The following DNAAF6 variants were observed in gnomAD, a reference collection of about 807,000 sequenced individuals.
DNAAF6 encodes PIH1 domain containing 3.
A neutral mutation model predicts 13.7 loss-of-function variants in DNAAF6; 3 were observed. The observed-to-expected ratio is 0.22, with a 90% confidence interval of 0.10 to 0.56. The LOEUF (loss-of-function observed/expected upper bound fraction) is 0.56. Ranked by LOEUF, DNAAF6 falls within the 20% of genes least tolerant of loss-of-function variation. The probability of loss-of-function intolerance (pLI) is 0.92; values close to 1 mark genes in which losing one functional copy is unlikely to be tolerated. For synonymous variants in DNAAF6, 54 were observed against 49.2 expected (o/e 1.10, Z -0.41); for missense variants, 130 against 151.0 (o/e 0.86, Z 0.73).
chrX:107,220,189 GCAGA>G (rs1239415898), intron 4 of DNAAF6, among the ~76,000 whole-genome samples: 1 of 112,199 alleles, frequency 8.9e-6, no homozygotes, highest in Non-Finnish European at 1.9e-5. Context: ...GTGGGAGACT[GCAGA>G]CAATTAACTA....
At chrX:107,228,182 G>A (rs1371200733) in intron 5 of DNAAF6, among the ~76,000 whole-genome samples, 4 of 111,688 alleles carry the variant, frequency 3.6e-5, no homozygotes, top group Non-Finnish European at 5.6e-5. Flanking sequence ...AGTAGTATCC[G>A]CTGCTGTCAA....
chrX:107,225,147 A>G (rs1928227166), intron 5 of DNAAF6, among the ~76,000 whole-genome samples: 1 of 109,333 alleles, frequency 9.1e-6, no homozygotes, highest in East Asian at 2.9e-4. Flanking sequence ...GTAATAATGG[A>G]CTAGTAAGCT....
chrX:107,237,993 A>C (rs977529109), intron 5 of DNAAF6, among the ~76,000 whole-genome samples: 9 of 112,042 alleles, frequency 8.0e-5, no homozygotes, highest in African/African-American at 2.6e-4. Flanking sequence ...ACAAAAAAAC[A>C]AAACAAAAAC....
intron 4 of DNAAF6, among the ~76,000 whole-genome samples, chrX:107,219,381 G>A (rs1440606476): frequency 9.0e-6 from 1 of 111,193 alleles, no homozygotes; most frequent in Non-Finnish European, 1.9e-5. Context: ...AAAAGGCTAT[G>A]TTCTCTCTCC....
Position 107,218,860 on chromosome X carries a change from A to G in DNAAF6, c.227-4A>G, listed in dbSNP as rs1928057094. ...CTTCAGCTTTATCTTCCCTTTCTTC[A>G]CAGTCATCCCTGAAACCAGCGAGGA... On this transcript the variant is annotated splice_polypyrimidine_tract_variant and splice_region_variant and intron_variant, in intron 3 of 6. Coordinates refer to ENST00000372453, the MANE Select transcript of DNAAF6 (RefSeq NM_173494.2). 4 of 1,185,444 alleles carry G rather than the reference A, an allele frequency of 3.4e-6. No individual in the cohort carries two copies. Among genetic ancestry groups the G allele is most frequent in the Non-Finnish European group, 3.4e-6 (3 of 886,433 alleles).
chrX:107,220,237 C>G (rs1349845299), intron 4 of DNAAF6, among the ~76,000 whole-genome samples: 1 of 112,265 alleles, frequency 8.9e-6, no homozygotes, highest in African/African-American at 3.2e-5. Flanking sequence ...TAAACAATGT[C>G]AAGACCATAA....
At chrX:107,240,497 T>A (rs774717797) in intron 6 of DNAAF6, among the ~76,000 whole-genome samples, 1 of 111,921 alleles carries the variant, frequency 8.9e-6, no homozygotes, top group Admixed American at 9.5e-5. Flanking sequence ...TATAACGCTA[T>A]GTTTATCCAA....
intron 5 of DNAAF6, 70 bp downstream of exon 5, chrX:107,222,911 A>C (rs1928179562): frequency 8.9e-7 from 1 of 1,122,436 alleles, no homozygotes; most frequent in East Asian, 3.2e-5. Context: ...TATTATTTAC[A>C]TAATATTGTA....
chrX:107,224,434 T>C (rs764602266), intron 5 of DNAAF6, among the ~76,000 whole-genome samples: 9 of 111,780 alleles, frequency 8.1e-5, no homozygotes, highest in African/African-American at 2.9e-4. Context: ...TGAATGTTAC[T>C]ACATACCAGG....
intron 1 of DNAAF6, among the ~76,000 whole-genome samples, chrX:107,210,746 T>C (rs1261574880): frequency 9.0e-6 from 1 of 111,244 alleles, no homozygotes; most frequent in African/African-American, 3.3e-5. Flanking sequence ...TTTTTAAAAA[T>C]CGCTACACTG....
Position 107,213,022 on chromosome X carries a change from T to C in DNAAF6, c.147T>C (p.Tyr49=). The C allele has an allele frequency of 5.0e-6, 6 of 1,190,856 alleles. No individual in the cohort carries two copies. The highest frequency in any genetic ancestry group is 6.8e-6 in the Non-Finnish European group (6 of 887,534). ...CTGAAGAAGAGGATGATTCTGACTA[T>C]GGACAGGTGGTCATATACTTAACAG... ...LNPEEEDDSD[Y]GQTNGLSTIG... The change falls in exon 2 of 7, where the codon TAT becomes TAC. Residue 49 remains tyrosine, a synonymous_variant. Transcript: ENST00000372453.
intron 4 of DNAAF6, among the ~76,000 whole-genome samples, chrX:107,220,902 CCTTTCTTTCTTT>C (rs200337352): frequency 0.35 from 30,401 of 86,910 alleles, 4,950 homozygotes; most frequent in Non-Finnish European, 0.44. Context: ...TTTCTTTCTC[CCTTTCTTTCTTT>C]CTTTCTTTCT....
chrX:107,242,333 T>A (rs193210112), intron 6 of DNAAF6, among the ~76,000 whole-genome samples: 1 of 112,362 alleles, frequency 8.9e-6, no homozygotes, highest in African/African-American at 3.2e-5. Flanking sequence ...AAGAACCCAA[T>A]AAGTGCCCCT....
At chrX:107,234,335 C>G (rs772969314) in intron 5 of DNAAF6, among the ~76,000 whole-genome samples, 1 of 111,877 alleles carries the variant, frequency 8.9e-6, no homozygotes, top group African/African-American at 3.2e-5. Context: ...GATCTAATGC[C>G]TTTAATTTTT....
At chrX:107,228,548 T>TA (rs113760137) in intron 5 of DNAAF6, among the ~76,000 whole-genome samples, 5,824 of 101,794 alleles carry the variant, frequency 0.057, 433 homozygotes, top group African/African-American at 0.19. Flanking sequence ...GAACAAACAG[T>TA]AAAAAAAAAA....
chrX:107,229,740 T>A (rs760098840), intron 5 of DNAAF6, among the ~76,000 whole-genome samples: 1 of 111,146 alleles, frequency 9.0e-6, no homozygotes, highest in Non-Finnish European at 1.9e-5. Flanking sequence ...CAGGCTGGAG[T>A]GCAGTAGCGC....
chrX:107,227,483 C>A (rs5962390), intron 5 of DNAAF6, among the ~76,000 whole-genome samples: 3 of 108,706 alleles, frequency 2.8e-5, no homozygotes, highest in East Asian at 2.9e-4. Context: ...GAGGATGGAC[C>A]TAGTTTTTTT....
chrX:107,221,195 G>C (rs534256954), intron 4 of DNAAF6, among the ~76,000 whole-genome samples: 9 of 110,456 alleles, frequency 8.1e-5, no homozygotes, highest in African/African-American at 3.0e-4. Context: ...GGCTGGTCCT[G>C]AACTCCTGGC....
At chrX:107,237,169 C>G (rs1027585031) in intron 5 of DNAAF6, among the ~76,000 whole-genome samples, 2 of 112,168 alleles carry the variant, frequency 1.8e-5, no homozygotes, top group Admixed American at 9.5e-5. Context: ...GCTCCAAACA[C>G]ATTATATTGC....
Sources: gnomAD v4.1 joint callset for allele counts (sites outside exome capture counted in the v4.1 genomes callset) on GRCh38, gnomAD v4.1.1 for gene constraint, MANE v1.5 for transcripts, NCBI Gene and HGNC (gene_info 2026-07-23, HGNC 2026-07-21) for gene names.